Variants in GAPVD1 observed in about 807,000 individuals in gnomAD.
GAPVD1 encodes GTPase activating protein and VPS9 domains 1.
A neutral mutation model predicts 155.5 loss-of-function variants in GAPVD1; 35 were observed. The ratio of observed to expected loss-of-function variants is 0.23; its 90% CI spans 0.17 to 0.30. GAPVD1 has a LOEUF of 0.30. GAPVD1 is among the 10% of genes least tolerant of loss of function. The pLI is 1.00. For missense variants in GAPVD1, 1,429 were observed against 1,775.7 expected, an observed-to-expected ratio of 0.80 and a Z score of 3.51; for synonymous variants, 636 against 619.7, an observed-to-expected ratio of 1.03 and a Z score of -0.39.
chr9:125,262,268 A>G (rs1833047539), intron 1 of GAPVD1, among the ~76,000 whole-genome samples: 1 of 152,280 alleles, frequency 6.6e-6, no homozygotes, highest in East Asian at 1.9e-4. Context: ...GGTGGGGGCC[A>G]GAGACGAGAG....
rs572977103 is a variant in GAPVD1, at chr9:125,305,420, C to T, written c.1116+271C>T. Among the ~76,000 whole-genome samples the T allele has an allele frequency of 4.4e-4, 63 of 143,672 alleles. No homozygotes were observed. The South Asian group carries it at 9.5e-3, about 22-fold the overall frequency. 94.3% of individuals were successfully genotyped at this position (143,672 alleles called of 152,430 possible). A position where few individuals can be genotyped will look rare whatever the true frequency, so the allele number is the denominator to read the frequency against. ...ATGGAGTCTCGCTCCGTCGCCCAGG[C>T]GGAGTGCAGTGGCATGATCTTGGCT... is the stretch of plus-strand genomic sequence containing the variant. On this transcript the variant is annotated intron_variant, in intron 6 of 27. Transcript: ENST00000297933.
At chr9:125,358,929 CCT>C (rs1259420996) in intron 25 of GAPVD1, among the ~76,000 whole-genome samples, 2 of 152,210 alleles carry the variant, frequency 1.3e-5, no homozygotes, top group Non-Finnish European at 2.9e-5. Context: ...GGGTTCAGCC[CCT>C]GTTACTGACA....
intron 9 of GAPVD1, among the ~76,000 whole-genome samples, chr9:125,317,911 T>C (rs1280851248): frequency 1.3e-5 from 2 of 152,156 alleles, no homozygotes; most frequent in Non-Finnish European, 2.9e-5. Context: ...ACAGCAGATT[T>C]GTACAGGCAG....
chr9:125,350,450 G>C lies in GAPVD1; in HGVS notation c.3409+46G>C, dbSNP rs369523796. 4.5e-4 allele frequency: 538 copies of C among 1,202,830 alleles called. 1 individual carries two copies. Among genetic ancestry groups the C allele is most frequent in the Non-Finnish European group, 6.4e-4 (515 of 809,364 alleles). The allele number at this position is 1,202,830 out of a possible 1,614,324, so 74.5% of individuals were successfully genotyped here. ...TTAATTTTTCCTATGTTTATGGGTT[G>C]CACCATATGAAATTGCCAGTATTCA... On this transcript the variant is annotated intron_variant, in intron 22 of 27. Coordinates refer to ENST00000297933, the MANE Select transcript of GAPVD1 (RefSeq NM_001282680.3).
chr9:125,348,022 T>A (rs570309144), intron 20 of GAPVD1, among the ~76,000 whole-genome samples: 50 of 151,336 alleles, frequency 3.3e-4, no homozygotes, highest in Admixed American at 1.1e-3. Context: ...ATATAGAGAG[T>A]GTGTGTGTGT....
chr9:125,333,484 TC>T (rs1391199464), intron 15 of GAPVD1, among the ~76,000 whole-genome samples: 4 of 148,342 alleles, frequency 2.7e-5, no homozygotes, highest in African/African-American at 7.4e-5. Context: ...GTACCTTTTG[TC>T]TTTTTTTTTT....
At chr9:125,280,529 T>G (rs1170126091) in intron 2 of GAPVD1, among the ~76,000 whole-genome samples, 2 of 152,054 alleles carry the variant, frequency 1.3e-5, no homozygotes, top group African/African-American at 2.4e-5. Context: ...CCCTTATTCT[T>G]TACTGCTGAT....
intron 9 of GAPVD1, among the ~76,000 whole-genome samples, chr9:125,313,858 C>G (rs953046767): frequency 6.6e-6 from 1 of 152,226 alleles, no homozygotes; most frequent in Admixed American, 6.5e-5. Context: ...ACCTTGGCCT[C>G]CCAAAGTGCT....
chr9:125,350,057 G>T (rs1272193424), intron 21 of GAPVD1, among the ~76,000 whole-genome samples: 1 of 152,146 alleles, frequency 6.6e-6, no homozygotes, highest in African/African-American at 2.4e-5. Flanking sequence ...AAAAAGGTCA[G>T]AAAGGATTTG....
Position 125,312,446 on chromosome 9 carries a change from TA to T in GAPVD1, c.1442-5del. 2 of 1,555,054 alleles carry T rather than the reference TA, an allele frequency of 1.3e-6. No homozygotes were observed. Among genetic ancestry groups the T allele is most frequent in the Non-Finnish European group, 1.7e-6 (2 of 1,151,366 alleles). On this transcript the variant is annotated splice_region_variant and splice_polypyrimidine_tract_variant and intron_variant, in intron 8 of 27. Coordinates refer to ENST00000297933, the MANE Select transcript of GAPVD1 (RefSeq NM_001282680.3). ...CTAAATTATTTTATTTGAAATTTTT[TA>T]TTAGCAACTCGGAGCAGAAGCCGCA... is the stretch of plus-strand genomic sequence containing the variant.
intron 25 of GAPVD1, among the ~76,000 whole-genome samples, chr9:125,356,591 A>T (rs1382528662): frequency 6.6e-6 from 1 of 152,134 alleles, no homozygotes; most frequent in Non-Finnish European, 1.5e-5. Flanking sequence ...TCCCAGGCTT[A>T]TGTGACAAGT....
In GAPVD1 at chr9:125,321,435, C is replaced by T; in HGVS notation, c.1605C>T (p.Val535=). The T allele has an allele frequency of 6.2e-7, 1 of 1,610,666 alleles. No homozygotes were observed. The highest frequency in any genetic ancestry group is 8.5e-7 in the Non-Finnish European group (1 of 1,177,756). Residue 535 remains valine, a splice_region_variant and synonymous_variant, in exon 10 of 28, where the codon GTC becomes GTT. Coordinates refer to ENST00000297933, the MANE Select transcript of GAPVD1 (RefSeq NM_001282680.3). ...LTPGMMSENE[V]LNMQLSDGGQ... ...AAAATTGACATTTTATTTTTTAGGT[C>T]CTAAACATGCAGCTTTCGGATGGAG... is the stretch of plus-strand genomic sequence containing the variant.
In GAPVD1 at chr9:125,330,069, G is replaced by A. The variant is rs763128208; in HGVS notation, c.2033-9G>A. 40 of 1,598,514 alleles carry A rather than the reference G, an allele frequency of 2.5e-5. No individual in the cohort carries two copies. In the South Asian group the frequency reaches 4.3e-4, roughly 17 times the overall value. ...TTTGTTAACCCTTTGCTTCCCACTG[G>A]TTATACAGGTGCTGCAGCAGAGAAC... is the stretch of plus-strand genomic sequence containing the variant. On this transcript the variant is annotated splice_polypyrimidine_tract_variant and intron_variant, in intron 12 of 27. Transcript: ENST00000297933.
intron 2 of GAPVD1, among the ~76,000 whole-genome samples, chr9:125,279,463 A>G (rs1403745071): frequency 2.0e-5 from 3 of 150,534 alleles, no homozygotes; most frequent in South Asian, 2.1e-4. Context: ...CCCAGCTACT[A>G]TGGAGGCTGA....
intron 18 of GAPVD1, chr9:125,341,515 T>C (rs745692394): frequency 7.7e-5 from 26 of 337,942 alleles, no homozygotes; most frequent in Admixed American, 1.8e-4. Flanking sequence ...TGTTTAAATA[T>C]CATATACCAT....
intron 2 of GAPVD1, among the ~76,000 whole-genome samples, chr9:125,277,385 T>C (rs1306800054): frequency 6.6e-6 from 1 of 152,160 alleles, no homozygotes; most frequent in Non-Finnish European, 1.5e-5. Flanking sequence ...TGGTTTGAGC[T>C]ACACCCTGAT....
chr9:125,345,180 T>TC (rs1011292429), intron 19 of GAPVD1, among the ~76,000 whole-genome samples: 12 of 141,578 alleles, frequency 8.5e-5, no homozygotes, highest in South Asian at 2.2e-4. Flanking sequence ...TCTCTCTCTC[T>TC]TTTTTTTTTT....
intron 2 of GAPVD1, among the ~76,000 whole-genome samples, chr9:125,281,766 T>C (rs1836827798): frequency 1.3e-5 from 2 of 152,160 alleles, no homozygotes; most frequent in African/African-American, 4.8e-5. Flanking sequence ...GATACATTAA[T>C]GTATGTGTGT....
intron 15 of GAPVD1, among the ~76,000 whole-genome samples, chr9:125,335,679 A>G (rs1373950192): frequency 6.6e-6 from 1 of 152,194 alleles, no homozygotes; most frequent in East Asian, 1.9e-4. Flanking sequence ...CTGTCTCAAA[A>G]AAGCAAAAAA....
Sources: gnomAD v4.1 joint callset for allele counts (sites outside exome capture counted in the v4.1 genomes callset) on GRCh38, gnomAD v4.1.1 for gene constraint, MANE v1.5 for transcripts, NCBI Gene and HGNC (gene_info 2026-07-23, HGNC 2026-07-21) for gene names.